Variants in RDX observed in about 807,000 individuals in gnomAD.
RDX encodes the protein radixin, also known as deafness, autosomal recessive 24.
A neutral mutation model predicts 83.7 loss-of-function variants in RDX; 32 were observed. The ratio of observed to expected loss-of-function variants is 0.38; its 90% CI spans 0.29 to 0.51. The LOEUF is 0.51. RDX is among the 20% of genes least tolerant of loss of function. The probability of loss-of-function intolerance (pLI) is 0.87; values close to 1 mark genes in which losing one functional copy is unlikely to be tolerated. For missense variants in RDX, 600 were observed against 689.9 expected, an observed-to-expected ratio of 0.87 and a Z score of 1.46; for synonymous variants, 229 against 222.7, an observed-to-expected ratio of 1.03 and a Z score of -0.25.
At chr11:110,215,266 G>A (rs1354230411) in intron 14 of RDX, among the ~76,000 whole-genome samples, 4 of 150,436 alleles carry the variant, frequency 2.7e-5, no homozygotes, top group African/African-American at 7.3e-5. Flanking sequence ...AGGAGGCTGA[G>A]GCAGGAGAAT....
intron 1 of RDX, 134 bp from the exon 2 acceptor site, chr11:110,279,890 T>C (rs1382361325): frequency 1.9e-6 from 1 of 519,754 alleles, no homozygotes; most frequent in Non-Finnish European, 3.4e-6. Flanking sequence ...TTCATTCTCA[T>C]TTTCAATATC....
In RDX at chr11:110,275,533, A is replaced by G. The variant is rs1221413117; in HGVS notation, c.13-2914T>C. Among the ~76,000 whole-genome samples the G allele has an allele frequency of 3.9e-5, 6 of 152,164 alleles. No individual in the cohort carries two copies. The East Asian group carries it at 1.2e-3, about 29-fold the overall frequency. On this transcript the variant is annotated intron_variant, in intron 2 of 13. Coordinates refer to ENST00000645495, the MANE Select transcript of RDX (RefSeq NM_002906.4). Reference sequence around the variant, plus strand: ...GTACAATACGTTTAACTGACCACTCATTCTCATCTGCGAATGTTCACGCAT... The same window carrying G: ...GTACAATACGTTTAACTGACCACTCGTTCTCATCTGCGAATGTTCACGCAT...
At chr11:110,284,253 A>C (rs1418819288) in intron 1 of RDX, among the ~76,000 whole-genome samples, 1 of 152,188 alleles carries the variant, frequency 6.6e-6, no homozygotes, top group Non-Finnish European at 1.5e-5. Context: ...TAAATCCTCC[A>C]GAAGATATTT....
chr11:110,216,135 G>A (rs1864042519), intron 14 of RDX, among the ~76,000 whole-genome samples: 1 of 152,286 alleles, frequency 6.6e-6, no homozygotes, highest in South Asian at 2.1e-4. Flanking sequence ...GGCTTAGGAA[G>A]CTCCTGTGAT....
At chr11:110,256,314 A>T (rs190676798) in intron 7 of RDX, among the ~76,000 whole-genome samples, 29 of 152,326 alleles carry the variant, frequency 1.9e-4, no homozygotes, top group Admixed American at 3.9e-4. Flanking sequence ...TACATAAAAC[A>T]TTCTTTACTC....
intron 1 of RDX, among the ~76,000 whole-genome samples, chr11:110,295,984 G>A (rs1005965435): frequency 1.6e-4 from 24 of 152,248 alleles, no homozygotes; most frequent in African/African-American, 5.5e-4. Flanking sequence ...CAAACTGGAG[G>A]CCGGGGAACA....
intron 14 of RDX, among the ~76,000 whole-genome samples, chr11:110,220,930 A>G (rs956294569): frequency 6.6e-6 from 1 of 151,894 alleles, no homozygotes; most frequent in Non-Finnish European, 1.5e-5. Flanking sequence ...AATTTGGTAC[A>G]GGATCCCTAT....
At chr11:110,241,619 T>C (rs1052462996) in intron 10 of RDX, among the ~76,000 whole-genome samples, 1 of 152,212 alleles carries the variant, frequency 6.6e-6, no homozygotes, top group Non-Finnish European at 1.5e-5. Flanking sequence ...AATTAATTCT[T>C]TTCATCTGAT....
intron 15 of RDX, among the ~76,000 whole-genome samples, chr11:110,186,429 C>T (rs994003650): frequency 2.0e-5 from 3 of 150,700 alleles, no homozygotes; most frequent in African/African-American, 7.5e-5. Flanking sequence ...CTTCATCACT[C>T]GTTTTTTTTT....
intron 10 of RDX, among the ~76,000 whole-genome samples, chr11:110,238,393 C>A (rs773620844): frequency 3.0e-4 from 45 of 152,158 alleles, no homozygotes; most frequent in Non-Finnish European, 1.6e-4. Context: ...GAGAGTTTAA[C>A]AGTACTAACT....
chr11:110,258,499 A>T (rs1859644663), intron 5 of RDX, among the ~76,000 whole-genome samples: 1 of 152,148 alleles, frequency 6.6e-6, no homozygotes, highest in Non-Finnish European at 1.5e-5. Flanking sequence ...TTTTTTTACA[A>T]CTGCATAATA....
rs141643262 is a variant in RDX, at chr11:110,215,365, AAAATAAATAAATAAATAAATAAAT to A, written c.1749-15711_1749-15688del. ...GCAACAGAGCGAGACTCCATCTCAAAAAATAAATAAATAAATAAATAAATAAATAAATAAATAAATAAATAAAAT... is the reference window on the plus strand; with the variant it reads ...GCAACAGAGCGAGACTCCATCTCAAAAAATAAATAAATAAATAAATAAAAT... On this transcript the variant is annotated intron_variant, in intron 14 of 15. Coordinates refer to the RDX transcript ENST00000528498. 2.5e-4 allele frequency among the ~76,000 whole-genome samples: 36 copies of A among 141,814 alleles called. No individual in the cohort carries two copies. In the East Asian group the frequency reaches 6.3e-3, roughly 25 times the overall value. The allele number at this position is 141,814 out of a possible 152,430, so 93.0% of individuals were successfully genotyped here.
intron 7 of RDX, among the ~76,000 whole-genome samples, chr11:110,256,210 C>T (rs1334782680): frequency 2.0e-5 from 3 of 152,168 alleles, no homozygotes; most frequent in Non-Finnish European, 4.4e-5. Context: ...CATCTTTTAG[C>T]CAGGCTTCTG....
At chr11:110,208,850 G>A (rs951670086) in intron 14 of RDX, among the ~76,000 whole-genome samples, 15 of 152,110 alleles carry the variant, frequency 9.9e-5, no homozygotes, top group South Asian at 4.1e-4. Flanking sequence ...CAGCTACTCC[G>A]GAGGCTGAGG....
At position 110,262,128 on chromosome 11, in the gene RDX, T is replaced by C. The variant is rs1233885672; in HGVS notation, c.467+1832A>G. On this transcript the variant is annotated intron_variant, in intron 5 of 13. Transcript: ENST00000645495. ...GATTACTCAATTCAGTAATCTAAGA[T>C]GAAGAATCTTAGGTTAGAATAACAT... 2.6e-5 allele frequency among the ~76,000 whole-genome samples: 4 copies of C among 152,168 alleles called. No individual in the cohort carries two copies. In the East Asian group the frequency reaches 5.8e-4, roughly 22 times the overall value.
chr11:110,248,169 G>C (rs1236768274), intron 9 of RDX, among the ~76,000 whole-genome samples: 3 of 152,000 alleles, frequency 2.0e-5, no homozygotes, highest in South Asian at 4.2e-4. Flanking sequence ...TAAAATCTCA[G>C]AATACACAAT....
chr11:110,289,470 G>A (rs1861125048), intron 1 of RDX, among the ~76,000 whole-genome samples: 1 of 152,082 alleles, frequency 6.6e-6, no homozygotes, highest in African/African-American at 2.4e-5. Context: ...GCCAAACTAA[G>A]TTTTTATAGT....
chr11:110,224,548 G>C (rs1864369802), downstream of RDX, among the ~76,000 whole-genome samples: 1 of 152,054 alleles, frequency 6.6e-6, no homozygotes, highest in Admixed American at 6.6e-5. Flanking sequence ...CATAAGACTT[G>C]GAATTAGAAC....
intron 1 of RDX, among the ~76,000 whole-genome samples, chr11:110,290,712 G>A (rs1202997631): frequency 1.3e-5 from 2 of 152,190 alleles, no homozygotes. Context: ...GGCCAGGTAA[G>A]TAAACATTAT....
Sources: gnomAD v4.1 joint callset for allele counts (sites outside exome capture counted in the v4.1 genomes callset) on GRCh38, gnomAD v4.1.1 for gene constraint, MANE v1.5 for transcripts, NCBI Gene and HGNC (gene_info 2026-07-23, HGNC 2026-07-21) for gene names.